The following GPC6 variants were observed in gnomAD, a reference collection of about 807,000 sequenced individuals.
The protein encoded by GPC6 is glypican-6.
A neutral mutation model predicts 55.2 loss-of-function variants in GPC6; 14 were observed. That is an observed-to-expected ratio of 0.25 (90% CI 0.17 to 0.40). GPC6 has a LOEUF of 0.40. GPC6 is among the 10% of genes least tolerant of loss of function. The probability of loss-of-function intolerance (pLI) is 1.00; values close to 1 mark genes in which losing one functional copy is unlikely to be tolerated. For synonymous variants in GPC6, 278 were observed against 259.6 expected (o/e 1.07, Z -0.68); for missense variants, 641 against 708.5 (o/e 0.90, Z 1.08).
At chr13:93,818,548 A>G (rs901236177) in intron 2 of GPC6, 5 of 152,302 alleles carry the variant, frequency 3.3e-5, no homozygotes, top group South Asian at 2.1e-4. Context: ...TCCTCTTCCC[A>G]TGGTATACCC....
intron 4 of GPC6, among the ~76,000 whole-genome samples, chr13:94,085,727 G>A (rs1302653127): frequency 6.6e-6 from 1 of 152,182 alleles, no homozygotes; most frequent in East Asian, 1.9e-4. Context: ...TAGGTAACTT[G>A]TTCCCACTGC....
intron 3 of GPC6, among the ~76,000 whole-genome samples, chr13:93,987,909 G>T (rs763252853): frequency 2.0e-5 from 3 of 152,128 alleles, no homozygotes; most frequent in Non-Finnish European, 4.4e-5. Flanking sequence ...CAGGGTGGAG[G>T]TTTCATCTAC....
At chr13:93,668,820 G>A (rs904680643) in intron 2 of GPC6, among the ~76,000 whole-genome samples, 1 of 152,172 alleles carries the variant, frequency 6.6e-6, no homozygotes, top group Non-Finnish European at 1.5e-5. Context: ...GTTCATGATA[G>A]TTTGACATGG....
At chr13:94,218,791 C>T (rs951939177) in intron 4 of GPC6, among the ~76,000 whole-genome samples, 6 of 152,120 alleles carry the variant, frequency 3.9e-5, no homozygotes, top group African/African-American at 1.4e-4. Flanking sequence ...TAAGAATCAC[C>T]TTGGGATACT....
At chr13:93,420,841 GT>G (rs1284674315) in intron 1 of GPC6, among the ~76,000 whole-genome samples, 1 of 152,118 alleles carries the variant, frequency 6.6e-6, no homozygotes. Context: ...CTCTCATGGA[GT>G]TTTGACTAGT....
intron 4 of GPC6, among the ~76,000 whole-genome samples, chr13:94,186,139 A>AAACTG (rs2138954777): frequency 6.6e-6 from 1 of 152,006 alleles, no homozygotes; most frequent in African/African-American, 2.4e-5. Flanking sequence ...TTCCAGAAGA[A>AAACTG]AACTGAAAAG....
intron 1 of GPC6, among the ~76,000 whole-genome samples, chr13:93,493,167 T>A (rs1453624692): frequency 8.6e-5 from 6 of 69,454 alleles, no homozygotes; most frequent in South Asian, 5.0e-4. Flanking sequence ...TCTTTTTGGT[T>A]GGTAAACTAT....
chr13:93,764,992 G>T (rs1885069189), intron 2 of GPC6, among the ~76,000 whole-genome samples: 1 of 151,866 alleles, frequency 6.6e-6, no homozygotes, highest in South Asian at 2.1e-4. Context: ...GTAGAGACAG[G>T]GTTTCACCAC....
At chr13:94,184,819 G>C (rs887060519) in intron 4 of GPC6, among the ~76,000 whole-genome samples, 1 of 152,034 alleles carries the variant, frequency 6.6e-6, no homozygotes, top group East Asian at 1.9e-4. Context: ...ATAGATCATT[G>C]TATCAAAAAA....
chr13:93,323,629 A>G (rs1419561327), intron 1 of GPC6, among the ~76,000 whole-genome samples: 1 of 152,180 alleles, frequency 6.6e-6, no homozygotes, highest in Non-Finnish European at 1.5e-5. Context: ...CTTACATTAT[A>G]TAATTGTTAA....
At chr13:93,525,626 AG>A (rs1423368321) in intron 1 of GPC6, among the ~76,000 whole-genome samples, 2 of 152,118 alleles carry the variant, frequency 1.3e-5, no homozygotes, top group Non-Finnish European at 2.9e-5. Flanking sequence ...TGATTTGTTC[AG>A]GAGCCATTCT....
At chr13:94,003,103 A>G (rs1463185927) in intron 3 of GPC6, among the ~76,000 whole-genome samples, 1 of 152,190 alleles carries the variant, frequency 6.6e-6, no homozygotes, top group Non-Finnish European at 1.5e-5. Context: ...TAACTAAGCC[A>G]CATGCTCCTT....
chr13:93,989,282 A>G (rs1468716938), intron 3 of GPC6, among the ~76,000 whole-genome samples: 1 of 152,166 alleles, frequency 6.6e-6, no homozygotes, highest in Non-Finnish European at 1.5e-5. Context: ...CCATAGGATT[A>G]TATATTTCTT....
At chr13:93,272,037 A>T (rs548991221) in intron 1 of GPC6, among the ~76,000 whole-genome samples, 24 of 152,230 alleles carry the variant, frequency 1.6e-4, no homozygotes, top group African/African-American at 5.8e-4. Context: ...ATGGGATTAT[A>T]GTCATTTATT....
chr13:93,951,439 T>C (rs1294061570), intron 3 of GPC6, among the ~76,000 whole-genome samples: 1 of 152,166 alleles, frequency 6.6e-6, no homozygotes, highest in Non-Finnish European at 1.5e-5. Context: ...CCAGTAAGTC[T>C]TTTGTTCTTG....
intron 1 of GPC6, among the ~76,000 whole-genome samples, chr13:93,505,499 C>T (rs930554390): frequency 3.3e-5 from 5 of 152,058 alleles, no homozygotes; most frequent in African/African-American, 1.2e-4. Context: ...ATTGCACTTA[C>T]AGCCAGTGGC....
chr13:94,122,055 T>TAG (rs1245526575), intron 4 of GPC6, among the ~76,000 whole-genome samples: 1 of 152,124 alleles, frequency 6.6e-6, no homozygotes, highest in Non-Finnish European at 1.5e-5. Flanking sequence ...CCCTAAAAGA[T>TAG]AGACTATGTC....
At chr13:93,309,584 A>G (rs1878992753) in intron 1 of GPC6, among the ~76,000 whole-genome samples, 1 of 152,218 alleles carries the variant, frequency 6.6e-6, no homozygotes, top group South Asian at 2.1e-4. Flanking sequence ...GGCAGTTTAA[A>G]GTATATACAC....
At chr13:94,372,646 C>T (rs1241996875) in intron 6 of GPC6, among the ~76,000 whole-genome samples, 3 of 151,688 alleles carry the variant, frequency 2.0e-5, no homozygotes, top group African/African-American at 4.9e-5. Flanking sequence ...GAGGGGCGCC[C>T]GCCATTGCCC....
Sources: gnomAD v4.1 joint callset for allele counts (sites outside exome capture counted in the v4.1 genomes callset) on GRCh38, gnomAD v4.1.1 for gene constraint, MANE v1.5 for transcripts, NCBI Gene and HGNC (gene_info 2026-07-23, HGNC 2026-07-21) for gene names.